SMC1B: variants seen among roughly 807,000 people sequenced by gnomAD.
The protein encoded by SMC1B is structural maintenance of chromosomes 1B, also known as structural maintenance of chromosomes protein 1B.
A neutral mutation model predicts 157.9 loss-of-function variants in SMC1B; 60 were observed. That is an observed-to-expected ratio of 0.38 (90% confidence interval 0.31 to 0.47). SMC1B has a LOEUF of 0.47. Ranked by LOEUF, SMC1B falls within the 20% of genes least tolerant of loss-of-function variation. The probability of loss-of-function intolerance (pLI) is 0.99; values close to 1 mark genes in which losing one functional copy is unlikely to be tolerated. For synonymous variants in SMC1B, 445 were observed against 483.0 expected, an observed-to-expected ratio of 0.92 and a Z score of 1.03; for missense variants, 1,165 against 1,426.2, an observed-to-expected ratio of 0.82 and a Z score of 2.95.
Position 45,349,799 on chromosome 22 carries a change from T to G in SMC1B, c.3426-2A>C, listed in dbSNP as rs1470429492. 12 of 1,605,266 alleles carry G rather than the reference T, an allele frequency of 7.5e-6. No individual in the cohort carries two copies. Among genetic ancestry groups the G allele is most frequent in the Non-Finnish European group, 9.3e-6 (11 of 1,176,772 alleles). On this transcript the variant is annotated splice_acceptor_variant, in intron 22 of 24. Coordinates refer to ENST00000357450, the MANE Select transcript of SMC1B (RefSeq NM_148674.5). LOFTEE classifies it high-confidence loss of function. ...ACAAAGAATGGGGCAGGACGAAAACTAGAAAAAAATTACAATCAAGTAAGT... is the reference window on the plus strand; with the variant it reads ...ACAAAGAATGGGGCAGGACGAAAACGAGAAAAAAATTACAATCAAGTAAGT...
chr22:45,412,171 C>T (rs1026801779), intron 1 of SMC1B, among the ~76,000 whole-genome samples: 6 of 152,068 alleles, frequency 3.9e-5, no homozygotes, highest in African/African-American at 9.6e-5. Flanking sequence ...TGAGCCACGG[C>T]GCCCGGCCAA....
chr22:45,401,643 T>G (rs1365210696), intron 5 of SMC1B, among the ~76,000 whole-genome samples: 6 of 152,240 alleles, frequency 3.9e-5, no homozygotes. Context: ...GAACAACCCT[T>G]CATGCCCTAA....
At chr22:45,371,663 A>T in intron 13 of SMC1B, 76 bp from the exon 14 acceptor site, 1 of 1,477,346 alleles carries the variant, frequency 6.8e-7, no homozygotes, top group Non-Finnish European at 9.0e-7. Flanking sequence ...TGTGATAGGT[A>T]TCTTTTGGAA....
chr22:45,359,076 A>G lies in SMC1B; in HGVS notation c.2863-281T>C, dbSNP rs537508831. ...AACCTTCAATCTGTAAAACAAAAAC[A>G]AAAACAAAAAAACCCCTGCAATATC... is the stretch of plus-strand genomic sequence containing the variant. On this transcript the variant is annotated intron_variant, in intron 18 of 24. Coordinates refer to ENST00000357450, the MANE Select transcript of SMC1B (RefSeq NM_148674.5). Among the ~76,000 whole-genome samples the G allele has an allele frequency of 6.6e-5, 10 of 152,348 alleles. No individual in the cohort carries two copies. In the East Asian group the frequency reaches 1.9e-3, roughly 29 times the overall value.
chr22:45,412,488 C>T (rs1226488887), intron 1 of SMC1B, among the ~76,000 whole-genome samples: 2 of 145,930 alleles, frequency 1.4e-5, no homozygotes, highest in East Asian at 2.0e-4. Flanking sequence ...TGTGAGCCAC[C>T]GCGCCCAGCC....
At chr22:45,409,337 G>A (rs1300350039) in intron 1 of SMC1B, among the ~76,000 whole-genome samples, 1 of 152,160 alleles carries the variant, frequency 6.6e-6, no homozygotes, top group Admixed American at 6.5e-5. Flanking sequence ...GCCAAGGTGA[G>A]CAGATCACCT....
intron 11 of SMC1B, among the ~76,000 whole-genome samples, chr22:45,386,513 C>CA (rs1451045306): frequency 2.9e-4 from 44 of 152,008 alleles, no homozygotes; most frequent in African/African-American, 9.9e-4. Flanking sequence ...AATAAATACC[C>CA]AAAATCTTTC....
At chr22:45,388,371 T>C (rs1440391805) in intron 10 of SMC1B, among the ~76,000 whole-genome samples, 1 of 152,232 alleles carries the variant, frequency 6.6e-6, no homozygotes, top group Non-Finnish European at 1.5e-5. Flanking sequence ...ATCCCCTTTA[T>C]ATTTGATACA....
At position 45,413,445 on chromosome 22, in the gene SMC1B, A is replaced by C. The variant is rs1288248333; in HGVS notation, c.109+14T>G. The C allele has an allele frequency of 6.3e-7, 1 of 1,591,862 alleles. No homozygotes were observed. Among genetic ancestry groups the C allele is most frequent in the Admixed American group, 1.7e-5 (1 of 57,736 alleles). On this transcript the variant is annotated intron_variant, in intron 1 of 24. Coordinates refer to ENST00000357450, the MANE Select transcript of SMC1B (RefSeq NM_148674.5). ...GCGGAGGCGCTCCGGTGGCGCCCTG[A>C]GCTGCTCAGTTACCAGAGCCGTTGG...
intron 24 of SMC1B, among the ~76,000 whole-genome samples, chr22:45,345,034 G>GT (rs2146746407): frequency 6.6e-6 from 1 of 152,274 alleles, no homozygotes; most frequent in African/African-American, 2.4e-5. Flanking sequence ...CATTTTAGAA[G>GT]TTACTATACA....
chr22:45,357,675 ACAGT>A (rs764738886), intron 19 of SMC1B, among the ~76,000 whole-genome samples: 2 of 152,254 alleles, frequency 1.3e-5, no homozygotes, highest in South Asian at 2.1e-4. Flanking sequence ...TCTACACAAC[ACAGT>A]CAGAAATGCT....
intron 22 of SMC1B, among the ~76,000 whole-genome samples, chr22:45,350,067 C>T (rs6006733): frequency 0.49 from 74,639 of 151,856 alleles, 21,531 homozygotes; most frequent in African/African-American, 0.81. Flanking sequence ...CCCTCAGCCC[C>T]TGCTTTTTCT....
intron 1 of SMC1B, among the ~76,000 whole-genome samples, chr22:45,409,190 A>C (rs2087299517): frequency 6.6e-6 from 1 of 152,174 alleles, no homozygotes; most frequent in Admixed American, 6.5e-5. Flanking sequence ...AACTTCACTG[A>C]GTTTCAATTA....
chr22:45,409,090 A>C (rs538398483), intron 1 of SMC1B, among the ~76,000 whole-genome samples, 192 bp from the exon 2 acceptor site: 3 of 152,366 alleles, frequency 2.0e-5, no homozygotes, highest in Admixed American at 6.5e-5. Flanking sequence ...ATTGTAGACT[A>C]TTAAGAGGTC....
In SMC1B at chr22:45,410,787, G is replaced by A. The variant is rs189870618; in HGVS notation, c.110-1889C>T. ...AAGCAAAGGAATACTATCAGCCACCGGAAATATGGCTTAGTTTTAGAGGTT... is the reference window on the plus strand; with the variant it reads ...AAGCAAAGGAATACTATCAGCCACCAGAAATATGGCTTAGTTTTAGAGGTT... On this transcript the variant is annotated intron_variant, in intron 1 of 24. Transcript: ENST00000357450. Among the ~76,000 whole-genome samples, 138 of 152,272 alleles carry A rather than the reference G, an allele frequency of 9.1e-4. 1 individual carries two copies. Among genetic ancestry groups the A allele is most frequent in the African/African-American group, 3.2e-3 (133 of 41,558 alleles).
At chr22:45,387,523 T>A (rs924405169) in intron 10 of SMC1B, among the ~76,000 whole-genome samples, 3 of 152,132 alleles carry the variant, frequency 2.0e-5, no homozygotes, top group African/African-American at 7.2e-5. Context: ...ATGAACTACA[T>A]CCCATCATTG....
In SMC1B at chr22:45,353,844, T is replaced by C. The variant is rs1250617436; in HGVS notation, c.3273+134A>G. ...ATAACCACTCTTCATGAACTGACTTTGCCCCATGAGTGAGTTGCTCAAATA... is the reference window on the plus strand; with the variant it reads ...ATAACCACTCTTCATGAACTGACTTCGCCCCATGAGTGAGTTGCTCAAATA... On this transcript the variant is annotated intron_variant, in intron 21 of 24. Coordinates refer to ENST00000357450, the MANE Select transcript of SMC1B (RefSeq NM_148674.5). The C allele has an allele frequency of 1.3e-5, 9 of 671,488 alleles. 1 individual carries two copies. In the East Asian group the frequency reaches 2.3e-4, roughly 18 times the overall value. The allele number at this position is 671,488 out of a possible 1,614,324, so 41.6% of individuals were successfully genotyped here.
intron 12 of SMC1B, among the ~76,000 whole-genome samples, chr22:45,381,328 G>T (rs533808487): frequency 6.6e-6 from 1 of 152,022 alleles, no homozygotes; most frequent in Non-Finnish European, 1.5e-5. Flanking sequence ...TATACCTGAG[G>T]GTCAGTAATT....
chr22:45,355,762 C>T (rs1370039685), intron 19 of SMC1B, among the ~76,000 whole-genome samples: 3 of 151,968 alleles, frequency 2.0e-5, no homozygotes, highest in African/African-American at 7.2e-5. Context: ...TTTTTTGCCA[C>T]AAATACAATC....
Sources: allele counts gnomAD v4.1 joint callset (sites outside exome capture counted in the v4.1 genomes callset), GRCh38; gene constraint gnomAD v4.1.1; transcripts MANE v1.5; gene names NCBI Gene and HGNC (gene_info 2026-07-23, HGNC 2026-07-21).